Variants in HEMK2 observed in about 807,000 individuals in gnomAD.
The protein encoded by HEMK2 is HemK methyltransferase 2, ETF1 glutamine and histone H4 lysine.
the HEMK2 span, among the ~76,000 whole-genome samples, chr21:28,617,153 G>C: frequency 6.6e-6 from 1 of 152,294 alleles, no homozygotes; most frequent in East Asian, 1.9e-4. Flanking sequence ...GGGTGGTCTG[G>C]AATAGCCTTG....
the HEMK2 span, among the ~76,000 whole-genome samples, chr21:28,596,262 C>T: frequency 3.3e-5 from 5 of 151,850 alleles, no homozygotes; most frequent in African/African-American, 1.2e-4. Context: ...TGTGATCCAC[C>T]CCACCTCAGC....
At chr21:28,602,131 A>T in the HEMK2 span, among the ~76,000 whole-genome samples, 2 of 152,190 alleles carry the variant, frequency 1.3e-5, no homozygotes, top group South Asian at 4.1e-4. Flanking sequence ...GGAGAAAAGG[A>T]CTATTTCTGC....
chr21:28,622,329 A>G, the HEMK2 span, among the ~76,000 whole-genome samples: 1,542 of 152,324 alleles, frequency 0.01, 29 homozygotes, highest in African/African-American at 0.035. Flanking sequence ...GAAATAAGAG[A>G]GAACACAAAC....
At chr21:28,686,894 A>G in the HEMK2 span, among the ~76,000 whole-genome samples, 29 of 152,210 alleles carry the variant, frequency 1.9e-4, no homozygotes, top group Admixed American at 1.9e-3. Flanking sequence ...ATTTTAGCCA[A>G]TCCATATGTT....
chr21:28,787,530 C>T, the HEMK2 span, among the ~76,000 whole-genome samples: 1 of 152,074 alleles, frequency 6.6e-6, no homozygotes, highest in Admixed American at 6.5e-5. Context: ...AAAGAACAAT[C>T]CCATCAAAAA....
the HEMK2 span, among the ~76,000 whole-genome samples, chr21:28,746,735 G>A: frequency 6.6e-6 from 1 of 151,798 alleles, no homozygotes; most frequent in Non-Finnish European, 1.5e-5. Flanking sequence ...TGAAGAGCTA[G>A]TGCAAAAACT....
At chr21:28,643,155 T>C in the HEMK2 span, among the ~76,000 whole-genome samples, 1 of 152,210 alleles carries the variant, frequency 6.6e-6, no homozygotes, top group Non-Finnish European at 1.5e-5. Context: ...TTTGCTACAC[T>C]GAAGGTGTCA....
chr21:28,683,095 T>C, the HEMK2 span, among the ~76,000 whole-genome samples: 1 of 150,584 alleles, frequency 6.6e-6, no homozygotes, highest in South Asian at 2.1e-4. Context: ...AATAAAATTC[T>C]TTAAAATATT....
chr21:28,622,258 A>C, the HEMK2 span, among the ~76,000 whole-genome samples: 2 of 152,212 alleles, frequency 1.3e-5, no homozygotes, highest in Non-Finnish European at 2.9e-5. Flanking sequence ...AATACCTAGG[A>C]ATACAACTTA....
the HEMK2 span, among the ~76,000 whole-genome samples, chr21:28,836,467 C>A: frequency 1.3e-5 from 2 of 151,992 alleles, no homozygotes. Flanking sequence ...GCCACCACTA[C>A]AAGAACTGCT....
the HEMK2 span, among the ~76,000 whole-genome samples, chr21:28,667,602 T>A: frequency 2.0e-5 from 3 of 152,106 alleles, no homozygotes; most frequent in Non-Finnish European, 2.9e-5. Flanking sequence ...CATGCCTCTA[T>A]CAAAACATCT....
At chr21:28,657,361 C>T in the HEMK2 span, among the ~76,000 whole-genome samples, 1 of 151,962 alleles carries the variant, frequency 6.6e-6, no homozygotes, top group East Asian at 1.9e-4. Context: ...ACTGTTTATC[C>T]AAAAGGACAG....
chr21:28,632,383 C>T, the HEMK2 span, among the ~76,000 whole-genome samples: 1 of 152,174 alleles, frequency 6.6e-6, no homozygotes, highest in African/African-American at 2.4e-5. Flanking sequence ...TACTATGTCA[C>T]ATGTTTTTAT....
chr21:28,721,040 C>T, the HEMK2 span, among the ~76,000 whole-genome samples: 2 of 152,172 alleles, frequency 1.3e-5, no homozygotes, highest in African/African-American at 4.8e-5. Flanking sequence ...CAAAAGTAGT[C>T]ACTGAGTACT....
At chr21:28,683,036 C>T in the HEMK2 span, among the ~76,000 whole-genome samples, 8 of 150,540 alleles carry the variant, frequency 5.3e-5, no homozygotes, top group African/African-American at 2.0e-4. Context: ...GCACATGTAC[C>T]CTAAAACTTA....
chr21:28,583,183 C>T, the HEMK2 span, among the ~76,000 whole-genome samples: 881 of 152,122 alleles, frequency 5.8e-3, 9 homozygotes, highest in African/African-American at 0.019. Flanking sequence ...GATGAAAATA[C>T]ATTTCTAAAT....
the HEMK2 span, among the ~76,000 whole-genome samples, chr21:28,861,866 A>C: frequency 1.8e-3 from 269 of 152,308 alleles, 4 homozygotes; most frequent in African/African-American, 5.9e-3. Context: ...CACCTTTAGT[A>C]ATCAGCTACC....
At chr21:28,717,430 T>G in the HEMK2 span, among the ~76,000 whole-genome samples, 7 of 151,856 alleles carry the variant, frequency 4.6e-5, no homozygotes, top group African/African-American at 1.7e-4. Flanking sequence ...CATAATAGTC[T>G]CTGAGGATCT....
At chr21:28,881,605 T>C in the HEMK2 span, among the ~76,000 whole-genome samples, 1 of 150,650 alleles carries the variant, frequency 6.6e-6, no homozygotes, top group Non-Finnish European at 1.5e-5. Context: ...TTCCTGGAAG[T>C]AGCTGTGCTG....
Sources: allele counts gnomAD v4.1 joint callset (sites outside exome capture counted in the v4.1 genomes callset), GRCh38; gene constraint gnomAD v4.1.1; transcripts MANE v1.5; gene names NCBI Gene and HGNC (gene_info 2026-07-23, HGNC 2026-07-21).